POSTN: variants seen among roughly 807,000 people sequenced by gnomAD.
POSTN encodes osteoblast specific factor 2 (fasciclin I-like).
In POSTN, 71 loss-of-function variants were observed where a neutral mutation model predicts 104.5. The observed-to-expected ratio is 0.68, with a 90% confidence interval of 0.56 to 0.83. The LOEUF (loss-of-function observed/expected upper bound fraction) is 0.83. POSTN is among the 40% of genes least tolerant of loss of function. The probability of loss-of-function intolerance (pLI) is 0.00; values close to 1 mark genes in which losing one functional copy is unlikely to be tolerated. For synonymous variants in POSTN, 355 were observed against 340.7 expected, an observed-to-expected ratio of 1.04 and a Z score of -0.46; for missense variants, 949 against 1,006.8, an observed-to-expected ratio of 0.94 and a Z score of 0.78.
At chr13:37,592,238 T>C in intron 2 of POSTN, 74 bp from the exon 3 acceptor site, 1 of 916,618 alleles carries the variant, frequency 1.1e-6, no homozygotes. Context: ...TTTGACAAAA[T>C]ATTTCACTTA....
chr13:37,586,136 T>C lies in POSTN; in HGVS notation c.895+3A>G, dbSNP rs759341736. 2.5e-6 allele frequency: 4 copies of C among 1,609,302 alleles called. No homozygotes were observed. Among genetic ancestry groups the C allele is most frequent in the Non-Finnish European group, 3.4e-6 (4 of 1,177,580 alleles). On this transcript the variant is annotated splice_donor_region_variant and intron_variant, in intron 7 of 22. Transcript: ENST00000379747. ...CTCCTTAGAGATGAAGACATTAAAC[T>C]ACCTTCGGAAGCCACTTTGTCTCCC...
At position 37,564,205 on chromosome 13, in the gene POSTN, T is replaced by C. The variant is rs1312014460; in HGVS notation, c.2473+314A>G. Among the ~76,000 whole-genome samples the C allele has an allele frequency of 1.8e-3, 224 of 125,048 alleles. 4 individuals carry two copies. The highest frequency in any genetic ancestry group is 6.4e-3 in the African/African-American group (188 of 29,168). 82.0% of individuals were successfully genotyped at this position (125,048 alleles called of 152,430 possible). A position where few individuals can be genotyped will look rare whatever the true frequency, so the allele number is the denominator to read the frequency against. On this transcript the variant is annotated intron_variant, in intron 22 of 22. Transcript: ENST00000379747. ...ACATATATATATATATATATATATA[T>C]ATATATATATATATATATATATATG...
At chr13:37,586,082 T>C (rs1012179383) in intron 7 of POSTN, 57 bp downstream of exon 7, 4 of 1,508,638 alleles carry the variant, frequency 2.7e-6, no homozygotes, top group East Asian at 4.5e-5. Flanking sequence ...CTAGCCTCTT[T>C]TTTATTCCCT....
chr13:37,578,767 A>G, intron 15 of POSTN, 77 bp downstream of exon 15: 2 of 1,265,672 alleles, frequency 1.6e-6, no homozygotes, highest in Non-Finnish European at 1.1e-6. Flanking sequence ...CCACTGCACT[A>G]CAGCCTGGGC....
chr13:37,571,269 A>T lies in POSTN; in HGVS notation c.2179+100T>A, dbSNP rs528340358. ...ATTCCCACAATTTTTATAAAATAAG[A>T]ACTAAGAGAAAATATCAGATGTTCA... On this transcript the variant is annotated intron_variant, in intron 18 of 22. Transcript: ENST00000379747. 108 of 776,528 alleles carry T rather than the reference A, an allele frequency of 1.4e-4. No individual in the cohort carries two copies. In the African/African-American group the frequency reaches 1.8e-3, roughly 13 times the overall value. 48.1% of individuals were successfully genotyped at this position (776,528 alleles called of 1,614,324 possible).
chr13:37,591,989 G>C, intron 3 of POSTN, 111 bp downstream of exon 3: 1 of 616,074 alleles, frequency 1.6e-6, no homozygotes, highest in Non-Finnish European at 2.9e-6. Flanking sequence ...GATATATCTT[G>C]GATTTAGGAT....
intron 4 of POSTN, among the ~76,000 whole-genome samples, chr13:37,589,877 T>A (rs1566032495): frequency 6.6e-6 from 1 of 152,146 alleles, no homozygotes; most frequent in Non-Finnish European, 1.5e-5. Flanking sequence ...AGTCTGAAAA[T>A]CAAATGTATT....
At chr13:37,570,474 C>A in intron 19 of POSTN, 106 bp downstream of exon 19, 2 of 711,850 alleles carry the variant, frequency 2.8e-6, no homozygotes, top group East Asian at 2.6e-5. Flanking sequence ...CTTTAGTAAT[C>A]ACTATGAAAA....
Position 37,586,299 on chromosome 13 carries a change from T to G in POSTN, c.754-19A>C. On this transcript the variant is annotated intron_variant, in intron 6 of 22. Transcript: ENST00000379747. ...CAGCTGCCTGAAACACAAATGTGCTTTTCAGAGACTTTCACATTGTAAATC... is the reference window on the plus strand; with the variant it reads ...CAGCTGCCTGAAACACAAATGTGCTGTTCAGAGACTTTCACATTGTAAATC... 1 of 1,601,206 alleles carries G rather than the reference T, an allele frequency of 6.2e-7. No individual in the cohort carries two copies. Among genetic ancestry groups the G allele is most frequent in the Non-Finnish European group, 8.5e-7 (1 of 1,174,082 alleles).
chr13:37,569,943 T>C lies in POSTN; in HGVS notation c.2270-122A>G, dbSNP rs933759606. 4.5e-6 allele frequency: 3 copies of C among 659,612 alleles called. No individual in the cohort carries two copies. In the African/African-American group the frequency reaches 5.4e-5, roughly 12 times the overall value. The allele number at this position is 659,612 out of a possible 1,614,324, so 40.9% of individuals were successfully genotyped here. A position where few individuals can be genotyped will look rare whatever the true frequency, so the allele number is the denominator to read the frequency against. ...AGTCTGTGTTGCCATTGTTCAACTC[T>C]GATACTTCAGTGTGAAAGCAGCCTT... On this transcript the variant is annotated intron_variant, in intron 19 of 22. Coordinates refer to ENST00000379747, the MANE Select transcript of POSTN (RefSeq NM_006475.3).
At chr13:37,590,257 T>C (rs905506087) in intron 4 of POSTN, 115 bp downstream of exon 4, 12 of 789,250 alleles carry the variant, frequency 1.5e-5, no homozygotes, top group Non-Finnish European at 2.1e-5. Context: ...GGTATTCTCA[T>C]ATATGTACAA....
chr13:37,564,707 T>C, intron 21 of POSTN, 147 bp from the exon 22 acceptor site: 1 of 471,500 alleles, frequency 2.1e-6, no homozygotes, highest in Admixed American at 4.0e-5. Context: ...TTTATGATCC[T>C]CAGAGTTTTA....
At position 37,596,809 on chromosome 13, in the gene POSTN, C is replaced by T. The variant is rs1951098485; in HGVS notation, c.218+375G>A. Among the ~76,000 whole-genome samples the T allele has an allele frequency of 5.3e-5, 8 of 152,054 alleles. No homozygotes were observed. The South Asian group carries it at 1.5e-3, about 28-fold the overall frequency. On this transcript the variant is annotated intron_variant, in intron 2 of 22. Coordinates refer to ENST00000379747, the MANE Select transcript of POSTN (RefSeq NM_006475.3). ...TTTTAAATCAGTTTGTTTTTCTGGC[C>T]CACTTTTTTATAAAATGAGGAAACT...
At chr13:37,581,004 G>T (rs1277540248) in intron 10 of POSTN, among the ~76,000 whole-genome samples, 1 of 152,024 alleles carries the variant, frequency 6.6e-6, no homozygotes, top group Non-Finnish European at 1.5e-5. Flanking sequence ...ATTCAGATTT[G>T]AACTATTTCT....
chr13:37,579,723 G>A lies in POSTN; in HGVS notation c.1660+138C>T, dbSNP rs565231440. 298 of 984,864 alleles carry A rather than the reference G, an allele frequency of 3.0e-4. 4 individuals are homozygous for A. The South Asian group carries it at 3.9e-3, about 13-fold the overall frequency. 61.0% of individuals were successfully genotyped at this position (984,864 alleles called of 1,614,324 possible). ...GACCCTCCACACATCCCAAGTGGAC[G>A]AAATAAAAGGAAACTAAAGCTAACC... On this transcript the variant is annotated intron_variant, in intron 12 of 22. Coordinates refer to ENST00000379747, the MANE Select transcript of POSTN (RefSeq NM_006475.3).
chr13:37,567,092 C>T (rs908908881), intron 21 of POSTN, among the ~76,000 whole-genome samples: 3 of 146,238 alleles, frequency 2.1e-5, no homozygotes, highest in African/African-American at 5.1e-5. Flanking sequence ...AAACATTAGC[C>T]GGGCGTAGTG....
chr13:37,563,462 C>T (rs1949989515), intron 22 of POSTN, 92 bp from the exon 23 acceptor site: 4 of 672,022 alleles, frequency 6.0e-6, no homozygotes, highest in Non-Finnish European at 8.9e-6. Context: ...CTATCAGAGG[C>T]CATTATTTTT....
intron 4 of POSTN, 39 bp from the exon 5 acceptor site, chr13:37,588,025 GGA>G: frequency 4.0e-6 from 6 of 1,481,510 alleles, no homozygotes; most frequent in Non-Finnish European, 5.6e-6. Flanking sequence ...AATTTATTGT[GGA>G]ACATTAGTAA....
chr13:37,590,422 A>G lies in POSTN; in HGVS notation c.391T>C (p.Ser131Pro). The G allele has an allele frequency of 1.9e-6, 3 of 1,610,324 alleles. No homozygotes were observed. The highest frequency in any genetic ancestry group is 2.2e-5 in the South Asian group (2 of 90,288). ...TTACTCGGTGCAAAGTAAGTGAAGG[A>G]TCCCTTTCCCTCGATCTCCTCCCTC... Reference protein sequence around the residue: ...KLREEIEGKGSFTYFAPSNEA... With the variant: ...KLREEIEGKGPFTYFAPSNEA... The change falls in exon 4 of 23, where the codon TCC (serine) becomes CCC (proline). Residue 131 changes from serine to proline, a missense_variant. By Grantham distance (74) the Ser-to-Pro change is moderately conservative (BLOSUM62 -1). Transcript: ENST00000379747.
Sources: gnomAD v4.1 joint callset for allele counts (sites outside exome capture counted in the v4.1 genomes callset) on GRCh38, gnomAD v4.1.1 for gene constraint, MANE v1.5 for transcripts, NCBI Gene and HGNC (gene_info 2026-07-23, HGNC 2026-07-21) for gene names.